Variants in ZMYM6 observed in about 807,000 individuals in gnomAD.
The protein encoded by ZMYM6 is zinc finger MYM-type containing 6.
In ZMYM6, 90 loss-of-function variants were observed where a neutral mutation model predicts 134.0. The observed-to-expected ratio is 0.67, with a 90% CI of 0.57 to 0.80. The LOEUF (loss-of-function observed/expected upper bound fraction) is 0.80, where lower values mean the gene tolerates loss of function less well. ZMYM6 is among the 30% of genes least tolerant of loss of function. The pLI is 0.00. For missense variants in ZMYM6, 1,362 were observed against 1,533.9 expected (o/e 0.89, Z 1.87); for synonymous variants, 481 against 524.1 (o/e 0.92, Z 1.12).
intron 2 of ZMYM6, among the ~76,000 whole-genome samples, chr1:35,029,915 C>T (rs1641486858): frequency 6.6e-6 from 1 of 152,138 alleles, no homozygotes; most frequent in African/African-American, 2.4e-5. Context: ...ATCTCTGCCT[C>T]CTCTACTAAC....
Position 35,015,079 on chromosome 1 carries a change from A to C in ZMYM6, c.512T>G (p.Leu171Trp). 6.2e-7 allele frequency: 1 copy of C among 1,614,070 alleles called. No individual in the cohort carries two copies. The highest frequency in any genetic ancestry group is 8.5e-7 in the Non-Finnish European group (1 of 1,179,988). Reference protein sequence around the residue: ...PSKDFCSQSCLSSYELKKKPV... With the variant: ...PSKDFCSQSCWSSYELKKKPV... ...TTTTTTCTTTAGCTCATAAGATGAC[A>C]AGCATGATTGGCTGCAGAAATCTTT... The change falls in exon 5 of 16, where the codon TTG becomes TGG. Residue 171 changes from leucine to tryptophan, a missense_variant. Leu to Trp is a moderately conservative substitution (Grantham distance 61). This residue lies in a region of ZMYM6 where 503 missense variants were observed against 520.8 expected (regional missense o/e 0.97). Transcript: ENST00000357182.
At chr1:35,018,422 A>C (rs1641244460) in intron 4 of ZMYM6, 1 of 152,114 alleles carries the variant, frequency 6.6e-6, no homozygotes, top group Non-Finnish European at 1.5e-5. Flanking sequence ...AACACAGCCA[A>C]AGACAAAATA....
intron 14 of ZMYM6, 188 bp downstream of exon 14, chr1:35,003,780 T>C (rs955326774): frequency 4.0e-5 from 22 of 546,448 alleles, no homozygotes; most frequent in Middle Eastern, 7.3e-4. Context: ...AAAACAGTAA[T>C]TGCTGCCGAA....
At chr1:35,021,003 C>A (rs1182318753) in intron 2 of ZMYM6, among the ~76,000 whole-genome samples, 1 of 151,892 alleles carries the variant, frequency 6.6e-6, no homozygotes, top group African/African-American at 2.4e-5. Flanking sequence ...ATACTTTTAT[C>A]TACTTTTCAA....
At chr1:35,029,311 T>C (rs1417399975) in intron 2 of ZMYM6, among the ~76,000 whole-genome samples, 1 of 152,206 alleles carries the variant, frequency 6.6e-6, no homozygotes, top group East Asian at 1.9e-4. Flanking sequence ...AGAAGCAGAA[T>C]AGCACAAGTT....
At chr1:35,017,917 G>A (rs1641233965) in intron 4 of ZMYM6, 1 of 152,070 alleles carries the variant, frequency 6.6e-6, no homozygotes, top group Admixed American at 6.6e-5. Context: ...TTGGTATTTG[G>A]TATGTTGAAA....
chr1:35,023,961 C>T (rs1043204422), intron 2 of ZMYM6, among the ~76,000 whole-genome samples: 30 of 152,270 alleles, frequency 2.0e-4, no homozygotes, highest in African/African-American at 7.0e-4. Flanking sequence ...AACTCAATTT[C>T]TAAAATTTTT....
Position 34,987,988 on chromosome 1 carries a change from G to A in ZMYM6, c.3094C>T (p.Gln1032Ter). 6.4e-7 allele frequency: 1 copy of A among 1,551,136 alleles called. No individual in the cohort carries two copies. The highest frequency in any genetic ancestry group is 8.7e-7 in the Non-Finnish European group (1 of 1,146,854). ...LSPCLHKILL[Q>*]SAQILSFIKS... ...ATAAAACTTAAAATTTGTGCTGACT[G>A]CAAAAGAATTTTATGTAAACATGGA... Residue 1032 changes from glutamine (Q) to a stop codon, truncating the protein, a stop_gained, in exon 16 of 16, where the codon CAG becomes TAG. Coordinates refer to ENST00000357182, the MANE Select transcript of ZMYM6 (RefSeq NM_007167.4). LOFTEE classifies it high-confidence loss of function.
Position 35,030,659 on chromosome 1 carries a change from G to C in ZMYM6, c.-20C>G, listed in dbSNP as rs201004174. The C allele has an allele frequency of 1.2e-6, 2 of 1,606,494 alleles. No homozygotes were observed. Among genetic ancestry groups the C allele is most frequent in the East Asian group, 2.2e-5 (1 of 44,854 alleles). On this transcript the variant is annotated 5_prime_UTR_variant, in exon 2 of 16. Coordinates refer to ENST00000357182, the MANE Select transcript of ZMYM6 (RefSeq NM_007167.4). ...TTTCATTCTAATTTTTTACCTCAAA[G>C]AGTGTCTCAGGCTCAAACGAATAGA...
In ZMYM6 at chr1:35,010,998, C is replaced by T. The variant is rs138644934; in HGVS notation, c.1101G>A (p.Ala367=). ...CCACTTGGCCCTGAGACAGGGGCAC[C>T]GCCGAAGAGTTTGTTCCTTTTGGCT... ...FSKPKGTNSS[A]VPLSQGQVVV... is the part of the protein sequence containing the mutation. The change falls in exon 9 of 16, where the codon GCG becomes GCA. Residue 367 remains alanine (A), a synonymous_variant. Coordinates refer to ENST00000357182, the MANE Select transcript of ZMYM6 (RefSeq NM_007167.4). The T allele has an allele frequency of 1.0e-4, 165 of 1,613,812 alleles. No homozygotes were observed. The African/African-American group carries it at 1.4e-3, about 13-fold the overall frequency.
chr1:34,988,585 A>G lies in ZMYM6; in HGVS notation c.2497T>C (p.Tyr833His), dbSNP rs898391807. ...LVEKSLVKAS[Y>H]LIAFQTAASK... ...GCAGCAGTTTGGAAAGCAATTAAATAAGAAGCTTTCACAAGTGACTTTTCA... is the reference window on the plus strand; with the variant it reads ...GCAGCAGTTTGGAAAGCAATTAAATGAGAAGCTTTCACAAGTGACTTTTCA... The change falls in exon 16 of 16, where the codon TAT becomes CAT. Residue 833 changes from tyrosine to histidine, a missense_variant. Coordinates refer to ENST00000357182, the MANE Select transcript of ZMYM6 (RefSeq NM_007167.4). 11 of 1,550,844 alleles carry G rather than the reference A, an allele frequency of 7.1e-6. No homozygotes were observed. The Admixed American group carries it at 2.2e-4, about 30-fold the overall frequency.
intron 15 of ZMYM6, among the ~76,000 whole-genome samples, chr1:34,990,498 CA>C (rs904403887): frequency 1.3e-5 from 2 of 149,854 alleles, no homozygotes; most frequent in Non-Finnish European, 3.0e-5. Flanking sequence ...CAAAAACAAA[CA>C]AAAAAAAAGA....
chr1:34,999,200 A>G (rs1364629711), intron 14 of ZMYM6, among the ~76,000 whole-genome samples: 1 of 152,254 alleles, frequency 6.6e-6, no homozygotes, highest in Admixed American at 6.5e-5. Context: ...AAGTTGAATG[A>G]AGAAAGTATT....
At chr1:34,989,056 C>T in intron 15 of ZMYM6, 121 bp from the exon 16 acceptor site, 3 of 1,483,108 alleles carry the variant, frequency 2.0e-6, no homozygotes, top group Non-Finnish European at 1.8e-6. Flanking sequence ...AAAGAATGCA[C>T]TGGTAAAAGT....
intron 15 of ZMYM6, among the ~76,000 whole-genome samples, chr1:34,991,714 G>GAGCCAAGATCACGCTATTGCACTCC (rs1640677099): frequency 6.6e-6 from 1 of 152,008 alleles, no homozygotes; most frequent in Non-Finnish European, 1.5e-5. Flanking sequence ...AGGTTATAGG[G>GAGCCAAGATCACGCTATTGCACTCC]AGCCAAGATC....
At chr1:35,002,912 C>A (rs747534679) in intron 14 of ZMYM6, among the ~76,000 whole-genome samples, 1 of 152,074 alleles carries the variant, frequency 6.6e-6, no homozygotes, top group Non-Finnish European at 1.5e-5. Context: ...TCGGCTCATG[C>A]CTGTAATCAC....
chr1:34,993,967 A>G (rs951122306), intron 14 of ZMYM6, among the ~76,000 whole-genome samples: 3 of 151,954 alleles, frequency 2.0e-5, no homozygotes, highest in Non-Finnish European at 2.9e-5. Context: ...CTACAGGCGT[A>G]AGCCACCGTG....
At chr1:35,030,491 A>G in intron 2 of ZMYM6, 56 bp downstream of exon 2, 6 of 1,541,740 alleles carry the variant, frequency 3.9e-6, no homozygotes, top group Non-Finnish European at 5.2e-6. Flanking sequence ...TTTTCAGTTG[A>G]CCAGATGGAA....
chr1:35,020,980 A>G (rs745704421), intron 2 of ZMYM6, among the ~76,000 whole-genome samples: 6 of 152,170 alleles, frequency 3.9e-5, no homozygotes, highest in African/African-American at 7.2e-5. Context: ...TCAGAATTAG[A>G]GAATCTTTTA....
Sources: allele counts gnomAD v4.1 joint callset (sites outside exome capture counted in the v4.1 genomes callset), GRCh38; gene constraint gnomAD v4.1.1; regional missense constraint gnomAD v4.1.1; transcripts MANE v1.5; gene names NCBI Gene and HGNC (gene_info 2026-07-23, HGNC 2026-07-21).